Variants in RNF149 observed in about 807,000 individuals in gnomAD.
The protein encoded by RNF149 is E3 ubiquitin-protein ligase RNF149.
A neutral mutation model predicts 39.0 loss-of-function variants in RNF149; 21 were observed. That is an observed-to-expected ratio of 0.54 (90% CI 0.38 to 0.77). The LOEUF (loss-of-function observed/expected upper bound fraction) is 0.77. RNF149 is among the 30% of genes least tolerant of loss of function. The probability of loss-of-function intolerance (pLI) is 0.00; values close to 1 mark genes in which losing one functional copy is unlikely to be tolerated. For synonymous variants in RNF149, 209 were observed against 213.6 expected (o/e 0.98, Z 0.19); for missense variants, 493 against 534.9 (o/e 0.92, Z 0.77).
chr2:101,301,448 C>T (rs933128410), intron 1 of RNF149, among the ~76,000 whole-genome samples: 5 of 151,956 alleles, frequency 3.3e-5, no homozygotes, highest in African/African-American at 1.2e-4. Flanking sequence ...CCATCTCAGC[C>T]TCTCTAATAG....
At position 101,299,580 on chromosome 2, in the gene RNF149, GC is replaced by G. The variant is rs150217216; in HGVS notation, c.461-4400del. Among the ~76,000 whole-genome samples, 1,174 of 152,258 alleles carry G rather than the reference GC, an allele frequency of 7.7e-3. 14 individuals are homozygous for G. Among genetic ancestry groups the G allele is most frequent in the African/African-American group, 0.026 (1,083 of 41,548 alleles). On this transcript the variant is annotated intron_variant, in intron 1 of 6. Transcript: ENST00000295317. ...AGCTAGAAGTCTTTTTTGTAAACTT[GC>G]TTTTGTGGAAAATTTCAAGCACATA...
intron 6 of RNF149, among the ~76,000 whole-genome samples, chr2:101,278,051 C>T (rs1232551122): frequency 1.3e-5 from 2 of 152,118 alleles, no homozygotes; most frequent in Admixed American, 1.3e-4. Flanking sequence ...ATGAAGTATA[C>T]AAAATCACTT....
At chr2:101,295,634 C>A (rs1683200059) in intron 1 of RNF149, among the ~76,000 whole-genome samples, 1 of 148,314 alleles carries the variant, frequency 6.7e-6, no homozygotes, top group Non-Finnish European at 1.5e-5. Flanking sequence ...GCACTCCAGC[C>A]CGGGCGACAG....
chr2:101,295,618 G>A (rs1203686018), intron 1 of RNF149, among the ~76,000 whole-genome samples: 2 of 147,380 alleles, frequency 1.4e-5, no homozygotes, highest in East Asian at 2.0e-4. Context: ...CTGAGATCGC[G>A]CCACTGCACT....
At chr2:101,300,705 A>G (rs1024555154) in intron 1 of RNF149, among the ~76,000 whole-genome samples, 8 of 152,230 alleles carry the variant, frequency 5.3e-5, no homozygotes, top group Admixed American at 4.6e-4. Context: ...TTGCTATATT[A>G]TAATCATAGC....
rs553001195 is a variant in RNF149 at position 101,294,619 on chromosome 2, C to T, written c.711+312G>A. 2.8e-3 allele frequency: 750 copies of T among 270,696 alleles called. 3 individuals carry two copies. Among genetic ancestry groups the T allele is most frequent in the South Asian group, 0.011 (213 of 19,572 alleles). 16.8% of individuals were successfully genotyped at this position (270,696 alleles called of 1,614,324 possible). A position where few individuals can be genotyped will look rare whatever the true frequency, so the allele number is the denominator to read the frequency against. ...CTGAGAGAGATAAATGGCTTTACTA[C>T]GGCTCCATGATGGAGACAGAGAGGC... On this transcript the variant is annotated intron_variant, in intron 2 of 6. Transcript: ENST00000295317.
At chr2:101,277,390 A>G (rs897150553) in intron 6 of RNF149, 109 bp from the exon 7 acceptor site, 3 of 1,398,020 alleles carry the variant, frequency 2.1e-6, no homozygotes, top group East Asian at 5.4e-5. Context: ...TGGTAAACAG[A>G]AAAAAAAATT....
At chr2:101,277,381 G>A in intron 6 of RNF149, 100 bp from the exon 7 acceptor site, 2 of 1,440,374 alleles carry the variant, frequency 1.4e-6, no homozygotes, top group Admixed American at 2.9e-5. Flanking sequence ...AATTCAAGAT[G>A]GTAAACAGAA....
In RNF149 at chr2:101,294,924, T is replaced by C; in HGVS notation, c.711+7A>G. ...AAAAAGCAAAATTCAGAGTTATCCA[T>C]CATTACCTGACTTCCAATCTGAGAG... On this transcript the variant is annotated splice_region_variant and intron_variant, in intron 2 of 6. Transcript: ENST00000295317. The C allele has an allele frequency of 1.2e-6, 2 of 1,606,360 alleles. No individual in the cohort carries two copies. The highest frequency in any genetic ancestry group is 1.7e-6 in the Non-Finnish European group (2 of 1,173,858).
At chr2:101,271,633 C>T (rs1682133424), downstream of RNF149, 1 of 149,000 alleles carries the variant, frequency 6.7e-6, no homozygotes. Flanking sequence ...GAGTCAATAA[C>T]TGCAATAAAC....
intron 1 of RNF149, among the ~76,000 whole-genome samples, chr2:101,300,428 C>G (rs1683408155): frequency 6.6e-6 from 1 of 152,174 alleles, no homozygotes; most frequent in Admixed American, 6.5e-5. Context: ...ACACCCTGCA[C>G]AGAAAACACT....
At chr2:101,298,684 C>T (rs1303490323) in intron 1 of RNF149, among the ~76,000 whole-genome samples, 5 of 152,106 alleles carry the variant, frequency 3.3e-5, no homozygotes, top group South Asian at 4.1e-4. Context: ...CAAAAAACAA[C>T]GAAAACCCAA....
chr2:101,291,483 A>G (rs1456567355), intron 3 of RNF149, among the ~76,000 whole-genome samples: 1 of 150,248 alleles, frequency 6.7e-6, no homozygotes, highest in East Asian at 2.0e-4. Flanking sequence ...GGGTTTCGCC[A>G]CGTTGCCCAG....
chr2:101,275,082 A>G (rs1448058695), downstream of RNF149, among the ~76,000 whole-genome samples: 1 of 139,954 alleles, frequency 7.1e-6, no homozygotes, highest in Non-Finnish European at 1.5e-5. Flanking sequence ...GGCGTGAGCC[A>G]CCACGCCTGG....
chr2:101,272,712 T>C (rs1225174494), downstream of RNF149: 4 of 348,370 alleles, frequency 1.1e-5, no homozygotes, highest in African/African-American at 2.1e-5. Context: ...TACTGACTTA[T>C]AATTTCAGCC....
intron 6 of RNF149, among the ~76,000 whole-genome samples, chr2:101,281,228 CTG>C (rs143585307): frequency 0.15 from 22,109 of 152,044 alleles, 2,060 homozygotes; most frequent in South Asian, 0.3. Context: ...ATGTAATACT[CTG>C]TAGCTGTAAA....
chr2:101,292,674 G>A (rs1041452227), intron 3 of RNF149, among the ~76,000 whole-genome samples: 4 of 152,176 alleles, frequency 2.6e-5, no homozygotes, highest in African/African-American at 9.7e-5. Flanking sequence ...ACTGAGGCAG[G>A]AGAATGGCGT....
intron 5 of RNF149, among the ~76,000 whole-genome samples, chr2:101,283,300 C>T (rs904801725): frequency 2.0e-5 from 3 of 152,158 alleles, no homozygotes; most frequent in African/African-American, 7.2e-5. Flanking sequence ...CTTCAAGAGC[C>T]CATGAGGGGA....
chr2:101,279,181 T>C (rs558899152), intron 6 of RNF149, among the ~76,000 whole-genome samples: 39 of 152,322 alleles, frequency 2.6e-4, no homozygotes, highest in African/African-American at 8.9e-4. Context: ...GTGAGCCCCA[T>C]ACGGGGTGGG....
Sources: allele counts gnomAD v4.1 joint callset (sites outside exome capture counted in the v4.1 genomes callset), GRCh38; gene constraint gnomAD v4.1.1; transcripts MANE v1.5; gene names NCBI Gene and HGNC (gene_info 2026-07-23, HGNC 2026-07-21).